LPCAT1: variants seen among roughly 807,000 people sequenced by gnomAD.
LPCAT1 encodes the protein lysophosphatidylcholine acyltransferase 1.
A neutral mutation model predicts 60.9 loss-of-function variants in LPCAT1; 23 were observed. The ratio of observed to expected loss-of-function variants is 0.38; its 90% CI spans 0.27 to 0.53. The LOEUF (loss-of-function observed/expected upper bound fraction) is 0.53, where lower values mean the gene tolerates loss of function less well. LPCAT1 is among the 20% of genes least tolerant of loss of function. The pLI, the probability that LPCAT1 is intolerant of heterozygous loss-of-function variation, is 0.82. For missense variants in LPCAT1, 622 were observed against 723.6 expected, an observed-to-expected ratio of 0.86 and a Z score of 1.61; for synonymous variants, 340 against 301.1, an observed-to-expected ratio of 1.13 and a Z score of -1.34.
chr5:1,521,664 A>T lies in LPCAT1; in HGVS notation c.135+2046T>A, dbSNP rs749731940. 1.4e-4 allele frequency among the ~76,000 whole-genome samples: 22 copies of T among 152,220 alleles called. No homozygotes were observed. The highest frequency in any genetic ancestry group is 3.1e-4 in the Non-Finnish European group (21 of 68,034). ...CCTAATTCCTCAGATGGAACCTCTG[A>T]AGTGGCAACAAAGCAAGCCCCCTCT... On this transcript the variant is annotated intron_variant, in intron 1 of 13. Transcript: ENST00000283415. The surrounding 1 kb of genome is among the most constrained non-coding windows in gnomAD (Gnocchi z 4.3).
At chr5:1,493,304 C>T (rs1735659362) in intron 3 of LPCAT1, among the ~76,000 whole-genome samples, 1 of 152,240 alleles carries the variant, frequency 6.6e-6, no homozygotes, top group African/African-American at 2.4e-5. Context: ...CAGGCCCAAT[C>T]CCCCATGGGC....
chr5:1,502,658 G>C lies in LPCAT1; in HGVS notation c.136-1055C>G, dbSNP rs935644366. 1.1e-4 allele frequency among the ~76,000 whole-genome samples: 17 copies of C among 152,076 alleles called. No individual in the cohort carries two copies. The highest frequency in any genetic ancestry group is 4.1e-4 in the African/African-American group (17 of 41,408). ...TCCGTGTAGAGGGGCGGGAGGCTTT[G>C]GGTGAGGGGAAACACCAGTCCTGAG... is the stretch of plus-strand genomic sequence containing the variant. On this transcript the variant is annotated intron_variant, in intron 1 of 13. Transcript: ENST00000283415. The surrounding 1 kb of genome is among the most constrained non-coding windows in gnomAD (Gnocchi z 5.5).
chr5:1,508,654 G>A (rs1019936081), intron 1 of LPCAT1, among the ~76,000 whole-genome samples: 2 of 152,220 alleles, frequency 1.3e-5, no homozygotes, highest in African/African-American at 2.4e-5. Context: ...TATGGAAGCC[G>A]GAGCTGAGAA....
At chr5:1,466,961 C>T (rs2126474175) in intron 12 of LPCAT1, 71 bp from the exon 13 acceptor site, 5 of 1,380,522 alleles carry the variant, frequency 3.6e-6, no homozygotes, top group Non-Finnish European at 4.7e-6. Flanking sequence ...CCAGGGACAC[C>T]CCAGCGGCCC....
In LPCAT1 at chr5:1,480,219, C is replaced by A; in HGVS notation, c.762-544G>T. 1.3e-5 allele frequency: 6 copies of A among 448,326 alleles called. No homozygotes were observed. Among genetic ancestry groups the A allele is most frequent in the African/African-American group, 2.2e-5 (1 of 45,634 alleles). The allele number at this position is 448,326 out of a possible 1,614,324, so 27.8% of individuals were successfully genotyped here. A position where few individuals can be genotyped will look rare whatever the true frequency, so the allele number is the denominator to read the frequency against. ...GCCCTAGGCCCCCGGGACCCCAGAA[C>A]CCCTATACCCCCCAGAGCCCCCTCC... On this transcript the variant is annotated intron_variant, in intron 7 of 13. Transcript: ENST00000283415. The surrounding 1 kb of genome is among the most constrained non-coding windows in gnomAD (Gnocchi z 6.4).
chr5:1,501,724 T>TGCAGCTGGCAC, intron 1 of LPCAT1, 121 bp from the exon 2 acceptor site: 2 of 1,009,302 alleles, frequency 2.0e-6, no homozygotes, highest in Non-Finnish European at 3.0e-6. Context: ...GGGGAGGGGC[T>TGCAGCTGGCAC]GCAGCTGGCA....
At chr5:1,474,189 T>A (rs550838401) in intron 10 of LPCAT1, 79 bp from the exon 11 acceptor site, 3 of 1,429,414 alleles carry the variant, frequency 2.1e-6, no homozygotes, top group African/African-American at 2.9e-5. Context: ...CTAAGACTCA[T>A]CAAAATATTA....
intron 13 of LPCAT1, among the ~76,000 whole-genome samples, chr5:1,464,612 ACAAG>A (rs1170522102): frequency 1.3e-5 from 2 of 151,568 alleles, no homozygotes; most frequent in African/African-American, 4.9e-5. Context: ...CACACACAAA[ACAAG>A]CACACACACG....
chr5:1,506,005 T>G (rs147235910), intron 1 of LPCAT1, among the ~76,000 whole-genome samples: 1 of 152,370 alleles, frequency 6.6e-6, no homozygotes, highest in Non-Finnish European at 1.5e-5. Flanking sequence ...CATCAGGGAA[T>G]GCGGCCCACA....
chr5:1,473,499 G>C (rs1040241994), intron 11 of LPCAT1, among the ~76,000 whole-genome samples: 3 of 152,258 alleles, frequency 2.0e-5, no homozygotes, highest in Non-Finnish European at 4.4e-5. Context: ...GACGTGCGGA[G>C]GGCAGAGGGG....
intron 1 of LPCAT1, among the ~76,000 whole-genome samples, chr5:1,509,120 C>T (rs927263127): frequency 8.5e-5 from 13 of 152,260 alleles, no homozygotes; most frequent in Non-Finnish European, 1.5e-4. Flanking sequence ...GCACCTGCAA[C>T]GAGGCAGGGG....
At chr5:1,468,203 C>T (rs1734517757) in intron 12 of LPCAT1, among the ~76,000 whole-genome samples, 1 of 152,200 alleles carries the variant, frequency 6.6e-6, no homozygotes, top group African/African-American at 2.4e-5. Context: ...GAGACCCCAT[C>T]CTCACCCTCC....
rs1162573457 is a variant in LPCAT1, at chr5:1,521,311, G to A, written c.135+2399C>T. ...CGAAGACACACAGCAGCCCCTCCCA[G>A]GCGGCAAATGCTCACAGGTAAATGC... On this transcript the variant is annotated intron_variant, in intron 1 of 13. Transcript: ENST00000283415. This position sits in a 1 kb window ranked among gnomAD's most constrained non-coding sequence, Gnocchi z 4.3. 3.0e-6 allele frequency: 3 copies of A among 985,138 alleles called. No homozygotes were observed. The highest frequency in any genetic ancestry group is 2.3e-4 in the East Asian group (2 of 8,830). The allele number at this position is 985,138 out of a possible 1,614,324, so 61.0% of individuals were successfully genotyped here. A position where few individuals can be genotyped will look rare whatever the true frequency, so the allele number is the denominator to read the frequency against.
rs1736680111 is a variant in LPCAT1, at chr5:1,521,604, G to A, written c.135+2106C>T. 2.6e-6 allele frequency: 1 copy of A among 382,116 alleles called. No individual in the cohort carries two copies. The highest frequency in any genetic ancestry group is 1.1e-4 in the South Asian group (1 of 9,486). The allele number at this position is 382,116 out of a possible 1,614,324, so 23.7% of individuals were successfully genotyped here. A position where few individuals can be genotyped will look rare whatever the true frequency, so the allele number is the denominator to read the frequency against. On this transcript the variant is annotated intron_variant, in intron 1 of 13. Transcript: ENST00000283415. This position sits in a 1 kb window ranked among gnomAD's most constrained non-coding sequence, Gnocchi z 4.3. ...CTAAACCCTTGAGCCACACATTGCAGACATCCAGCAGAAACGACTGGATGT... is the reference window on the plus strand; with the variant it reads ...CTAAACCCTTGAGCCACACATTGCAAACATCCAGCAGAAACGACTGGATGT...
At chr5:1,506,450 CT>C (rs1398881206) in intron 1 of LPCAT1, among the ~76,000 whole-genome samples, 1 of 152,260 alleles carries the variant, frequency 6.6e-6, no homozygotes. Context: ...GGCCCCACCC[CT>C]GCGTCCAGCC....
intron 1 of LPCAT1, among the ~76,000 whole-genome samples, chr5:1,503,851 C>T (rs1394168319): frequency 1.3e-5 from 2 of 151,672 alleles, no homozygotes; most frequent in Non-Finnish European, 2.9e-5. Context: ...TTTAAGATAA[C>T]AGTGAAGTTG....
In LPCAT1 at chr5:1,468,147, C is replaced by A. The variant is rs142417566; in HGVS notation, c.1279-1257G>T. ...TGTCCCCGCGTTCACACCCTCTTCC[C>A]GGGGCTCTGCCTCTACCCCATGGAC... On this transcript the variant is annotated intron_variant, in intron 12 of 13. Transcript: ENST00000283415. Among the ~76,000 whole-genome samples the A allele has an allele frequency of 2.9e-4, 44 of 152,308 alleles. No individual in the cohort carries two copies. In the East Asian group the frequency reaches 6.4e-3, roughly 22 times the overall value.
chr5:1,494,470 G>A (rs1735704247), intron 3 of LPCAT1, among the ~76,000 whole-genome samples: 1 of 151,884 alleles, frequency 6.6e-6, no homozygotes, highest in Non-Finnish European at 1.5e-5. Flanking sequence ...CCAGCAAGTG[G>A]GGGTCCCTCA....
intron 1 of LPCAT1, among the ~76,000 whole-genome samples, chr5:1,513,575 G>A (rs866991265): frequency 2.4e-4 from 37 of 152,240 alleles, no homozygotes; most frequent in African/African-American, 8.9e-4. Flanking sequence ...CTATTTGGAG[G>A]CTGCGGGGAC....
Sources: gnomAD v4.1 joint callset for allele counts (sites outside exome capture counted in the v4.1 genomes callset) on GRCh38, gnomAD v4.1.1 for gene constraint, Gnocchi (gnomAD v3.1) non-coding constraint, MANE v1.5 for transcripts, NCBI Gene and HGNC (gene_info 2026-07-23, HGNC 2026-07-21) for gene names.